The following CSMD2 variants were observed in gnomAD, a reference collection of about 807,000 sequenced individuals.
The protein encoded by CSMD2 is CUB and sushi domain-containing protein 2.
Under a neutral mutation model 398.5 loss-of-function variants are expected in CSMD2, and 130 were observed. The observed-to-expected ratio is 0.33, with a 90% CI of 0.28 to 0.38. CSMD2 has a LOEUF of 0.38. Among genes scored for constraint, CSMD2 ranks in the 10% least tolerant of loss-of-function variants. CSMD2 has a pLI of 1.00. For missense variants in CSMD2, 3,829 were observed against 4,764.9 expected, an observed-to-expected ratio of 0.80 and a Z score of 5.78; for synonymous variants, 1,828 against 1,908.5, an observed-to-expected ratio of 0.96 and a Z score of 1.10.
chr1:34,067,404 G>C (rs751770274), intron 2 of CSMD2, among the ~76,000 whole-genome samples: 2 of 152,156 alleles, frequency 1.3e-5, no homozygotes, highest in African/African-American at 4.8e-5. Flanking sequence ...TGGATTAGGT[G>C]GGGGGTGCAT....
At chr1:33,578,720 T>C (rs1168483118) in intron 48 of CSMD2, among the ~76,000 whole-genome samples, 1 of 152,086 alleles carries the variant, frequency 6.6e-6, no homozygotes, top group Non-Finnish European at 1.5e-5. Context: ...ATAATTCTCT[T>C]TGTTTGCCCT....
intron 3 of CSMD2, among the ~76,000 whole-genome samples, chr1:33,945,890 T>A (rs1644824124): frequency 6.6e-6 from 1 of 152,176 alleles, no homozygotes; most frequent in South Asian, 2.1e-4. Flanking sequence ...AGTGGTACCC[T>A]ATGGTGAAAC....
intron 1 of CSMD2, among the ~76,000 whole-genome samples, chr1:34,150,299 G>A (rs116712918): frequency 0.017 from 2,659 of 152,028 alleles, 34 homozygotes; most frequent in Non-Finnish European, 0.027. Context: ...TGCCCAGGTT[G>A]GTCTTGAACT....
At chr1:33,670,019 T>C (rs557277553) in intron 25 of CSMD2, among the ~76,000 whole-genome samples, 1 of 152,346 alleles carries the variant, frequency 6.6e-6, no homozygotes, top group African/African-American at 2.4e-5. Flanking sequence ...TCTAGAACTG[T>C]GAACAAAACA....
chr1:33,597,192 AG>A (rs1639899068), intron 44 of CSMD2, among the ~76,000 whole-genome samples: 1 of 152,080 alleles, frequency 6.6e-6, no homozygotes, highest in African/African-American at 2.4e-5. Context: ...AAAGTTCCTT[AG>A]GGCTGCTTGC....
At chr1:33,883,893 A>G (rs1558050709) in intron 5 of CSMD2, among the ~76,000 whole-genome samples, 2 of 152,224 alleles carry the variant, frequency 1.3e-5, no homozygotes, top group Non-Finnish European at 2.9e-5. Flanking sequence ...AGAAGGAGTT[A>G]GAAGGAGAGG....
chr1:33,537,708 C>T lies in CSMD2; in HGVS notation c.9632-99G>A. ...CTTTGTTCTTTGCACTGCTCCCTTC[C>T]TGGTTGAGCTTGAACTCTGGGAACC... On this transcript the variant is annotated intron_variant, in intron 60 of 70. Coordinates refer to ENST00000373381, the MANE Select transcript of CSMD2 (RefSeq NM_001281956.2). The surrounding 1 kb of genome is among the most constrained non-coding windows in gnomAD (Gnocchi z 4.6). The T allele has an allele frequency of 1.5e-6, 2 of 1,299,366 alleles. No individual in the cohort carries two copies. The highest frequency in any genetic ancestry group is 2.1e-6 in the Non-Finnish European group (2 of 965,244). The allele number at this position is 1,299,366 out of a possible 1,614,324, so 80.5% of individuals were successfully genotyped here. A position where few individuals can be genotyped will look rare whatever the true frequency, so the allele number is the denominator to read the frequency against.
At chr1:33,970,642 G>A (rs575713663) in intron 3 of CSMD2, among the ~76,000 whole-genome samples, 1 of 152,328 alleles carries the variant, frequency 6.6e-6, no homozygotes, top group Non-Finnish European at 1.5e-5. Flanking sequence ...GGCTTCCTCT[G>A]AGGCTCATCC....
At chr1:33,532,785 G>A (rs1413451870) in intron 64 of CSMD2, among the ~76,000 whole-genome samples, 1 of 152,210 alleles carries the variant, frequency 6.6e-6, no homozygotes, top group South Asian at 2.1e-4. Context: ...GTGGAAGAAA[G>A]CACTTTCCTC....
At chr1:33,948,138 A>G (rs1644894927) in intron 3 of CSMD2, among the ~76,000 whole-genome samples, 1 of 152,162 alleles carries the variant, frequency 6.6e-6, no homozygotes, top group African/African-American at 2.4e-5. Flanking sequence ...TTGCAGTTTG[A>G]GGATCAGGAA....
intron 2 of CSMD2, among the ~76,000 whole-genome samples, chr1:34,078,843 G>A (rs1357684005): frequency 1.3e-5 from 2 of 152,150 alleles, no homozygotes; most frequent in Non-Finnish European, 2.9e-5. Context: ...GATTTGGTTT[G>A]TTTTCTGTTT....
chr1:34,106,104 TGG>T (rs1660500236), intron 1 of CSMD2, among the ~76,000 whole-genome samples: 1 of 151,964 alleles, frequency 6.6e-6, no homozygotes. Context: ...AGTAGGGAGT[TGG>T]GGGAGATGGG....
At chr1:33,946,012 T>A (rs1341102475) in intron 3 of CSMD2, among the ~76,000 whole-genome samples, 1 of 152,200 alleles carries the variant, frequency 6.6e-6, no homozygotes, top group East Asian at 1.9e-4. Context: ...TGTTCTATGA[T>A]ACACTGGCTG....
intron 43 of CSMD2, 83 bp from the exon 44 acceptor site, chr1:33,601,093 C>T (rs1036683338): frequency 3.2e-6 from 5 of 1,567,468 alleles, no homozygotes; most frequent in Admixed American, 3.5e-5. Context: ...GGCCTTAAGA[C>T]AGACCTGGAG....
In CSMD2 at chr1:33,820,497, T is replaced by C. The variant is rs535669055; in HGVS notation, c.1171A>G (p.Arg391Gly). ...NMCPDPGIPE[R>G]GKRLGSDFRL... The stretch of plus-strand genomic sequence containing the variant: ...AAATCCGAGCCTAGTCTTTTGCCCC[T>C]TTCGGGTATGCCAGGGTCTGGACAC... The change falls in exon 8 of 71, where the codon AGG becomes GGG. Residue 391 changes from arginine to glycine, a missense_variant. This residue lies in a region of CSMD2 where 2,001 missense variants were observed against 2,567.1 expected (regional missense o/e 0.78). Coordinates refer to ENST00000373381, the MANE Select transcript of CSMD2 (RefSeq NM_001281956.2). 27 of 1,609,898 alleles carry C rather than the reference T, an allele frequency of 1.7e-5. 1 individual carries two copies. The South Asian group carries it at 3.0e-4, about 18-fold the overall frequency.
At chr1:33,790,089 G>T (rs1208303824) in intron 11 of CSMD2, among the ~76,000 whole-genome samples, 1 of 152,188 alleles carries the variant, frequency 6.6e-6, no homozygotes, top group Non-Finnish European at 1.5e-5. Context: ...AAAGAGAGCT[G>T]GGATCCTAGT....
chr1:33,697,330 A>G (rs1242130512), intron 24 of CSMD2, among the ~76,000 whole-genome samples: 2 of 152,108 alleles, frequency 1.3e-5, no homozygotes, highest in Non-Finnish European at 2.9e-5. Flanking sequence ...AGTTCCTGGC[A>G]CATGAATGAG....
In CSMD2 at chr1:33,559,466, G is replaced by A. The variant is rs1380906640; in HGVS notation, c.8388C>T (p.Thr2796=). Residue 2796 remains threonine, a synonymous_variant, in exon 54 of 71, where the codon ACC becomes ACT. Coordinates refer to ENST00000373381, the MANE Select transcript of CSMD2 (RefSeq NM_001281956.2). This position sits in a 1 kb window ranked among gnomAD's most constrained non-coding sequence, Gnocchi z 4.0. ...TGACAGGGTTGCCTGGGTGTCCACA[G>A]GTAATTGCTGTAACCAAAACAGAAG... is the stretch of plus-strand genomic sequence containing the variant. ...SGKTPFCVPI[T]CGHPGNPVNG... 1 of 1,535,926 alleles carries A rather than the reference G, an allele frequency of 6.5e-7. No individual in the cohort carries two copies. The highest frequency in any genetic ancestry group is 8.7e-7 in the Non-Finnish European group (1 of 1,146,848).
intron 66 of CSMD2, among the ~76,000 whole-genome samples, chr1:33,524,536 T>C (rs1041584213): frequency 9.2e-5 from 14 of 152,210 alleles, no homozygotes; most frequent in African/African-American, 2.4e-4. Context: ...TACTTTTTTT[T>C]TGATGATTGC....
Sources: gnomAD v4.1 joint callset for allele counts (sites outside exome capture counted in the v4.1 genomes callset) on GRCh38, gnomAD v4.1.1 for gene constraint, gnomAD v4.1.1 regional missense constraint, Gnocchi (gnomAD v3.1) non-coding constraint, MANE v1.5 for transcripts, NCBI Gene and HGNC (gene_info 2026-07-23, HGNC 2026-07-21) for gene names.